Variants in BNIP2 observed in about 807,000 individuals in gnomAD.
BNIP2 encodes the protein BCL2 interacting protein 2.
A neutral mutation model predicts 43.4 loss-of-function variants in BNIP2; 36 were observed. The observed-to-expected ratio is 0.83, with a 90% CI of 0.64 to 1.10. BNIP2 has a LOEUF of 1.10. BNIP2 is among the 50% of genes least tolerant of loss of function. The pLI is 0.00. For missense variants in BNIP2, 417 were observed against 374.1 expected (o/e 1.11, Z -0.95); for synonymous variants, 146 against 121.0 (o/e 1.21, Z -1.35).
intron 9 of BNIP2, among the ~76,000 whole-genome samples, chr15:59,667,392 C>T (rs1172198334): frequency 6.6e-6 from 1 of 152,148 alleles, no homozygotes; most frequent in African/African-American, 2.4e-5. Context: ...CAAACTAGAT[C>T]TAAATTCTAC....
chr15:59,665,862 C>T (rs1335160937), intron 9 of BNIP2, among the ~76,000 whole-genome samples: 12 of 152,152 alleles, frequency 7.9e-5, no homozygotes, highest in Admixed American at 6.5e-4. Flanking sequence ...TTATTCTCAT[C>T]ACCCATTACT....
rs1245648738 is a variant in BNIP2, at chr15:59,662,599, T to C, written c.*1470A>G. Reference sequence around the variant, plus strand: ...CCTTTTGTAACAGAAGGTTTGTAAGTACATGAGAATGGTCACAGCCACATG... The same window carrying C: ...CCTTTTGTAACAGAAGGTTTGTAAGCACATGAGAATGGTCACAGCCACATG... On this transcript the variant is annotated 3_prime_UTR_variant, in exon 10 of 10. Coordinates refer to ENST00000607373, the MANE Select transcript of BNIP2 (RefSeq NM_004330.4). 1 of 152,250 alleles carries C rather than the reference T, an allele frequency of 6.6e-6. No homozygotes were observed. The highest frequency in any genetic ancestry group is 1.5e-5 in the Non-Finnish European group (1 of 68,048). 9.4% of individuals were successfully genotyped at this position (152,250 alleles called of 1,614,324 possible).
chr15:59,662,737 G>C lies in BNIP2; in HGVS notation c.*1332C>G, dbSNP rs1298328737. 6.6e-6 allele frequency: 1 copy of C among 152,178 alleles called. No individual in the cohort carries two copies. The highest frequency in any genetic ancestry group is 1.5e-5 in the Non-Finnish European group (1 of 68,024). The allele number at this position is 152,178 out of a possible 1,614,324, so 9.4% of individuals were successfully genotyped here. A position where few individuals can be genotyped will look rare whatever the true frequency, so the allele number is the denominator to read the frequency against. ...ACCTTACAGGAAGGGTTGAAGAGTA[G>C]CCATGACCTTCAAATTTGGAAGGTA... On this transcript the variant is annotated 3_prime_UTR_variant, in exon 10 of 10. Coordinates refer to ENST00000607373, the MANE Select transcript of BNIP2 (RefSeq NM_004330.4).
At chr15:59,664,331 T>A (rs374891847) in intron 9 of BNIP2, among the ~76,000 whole-genome samples, 10 of 152,314 alleles carry the variant, frequency 6.6e-5, no homozygotes, top group African/African-American at 2.4e-4. Context: ...AATGTGACCG[T>A]TGTTTCTTTA....
intron 9 of BNIP2, among the ~76,000 whole-genome samples, chr15:59,666,418 G>C (rs1295973761): frequency 6.6e-6 from 1 of 152,074 alleles, no homozygotes; most frequent in African/African-American, 2.4e-5. Context: ...TGTAATCCCA[G>C]CACTTTGGGA....
chr15:59,689,283 G>A lies in BNIP2; in HGVS notation c.-206C>T, dbSNP rs3087331. ...CCCGGCCCAATCCCCCGGCCGCAGC[G>A]GTACGGCGTCGGCGGCAGCAGCTGA... On this transcript the variant is annotated 5_prime_UTR_variant, in exon 1 of 10. Transcript: ENST00000607373. 942 of 1,545,776 alleles carry A rather than the reference G, an allele frequency of 6.1e-4. 16 individuals carry two copies. In the East Asian group the frequency reaches 0.019, roughly 31 times the overall value.
At chr15:59,680,167 TTG>T in intron 3 of BNIP2, 72 bp downstream of exon 3, 4 of 1,197,144 alleles carry the variant, frequency 3.3e-6, no homozygotes, top group South Asian at 1.7e-5. Flanking sequence ...TTTTTTTTTT[TTG>T]GACAAAGAAA....
intron 5 of BNIP2, among the ~76,000 whole-genome samples, chr15:59,674,090 C>CAAAAAAAAAAAAAAAA (rs754263928): frequency 5.5e-5 from 5 of 91,438 alleles, no homozygotes; most frequent in Admixed American, 1.2e-4. Context: ...ACTTGGGTCT[C>CAAAAAAAAAAAAAAAA]AAAAAAAAAA....
At chr15:59,671,073 C>CAA (rs56337803) in intron 7 of BNIP2, 110 bp downstream of exon 7, 47,580 of 812,754 alleles carry the variant, frequency 0.059, 27 homozygotes, top group Non-Finnish European at 0.066. Context: ...AACTCCGTCT[C>CAA]AAAAAAAAAA....
chr15:59,681,729 G>C (rs1216441529), intron 2 of BNIP2, among the ~76,000 whole-genome samples: 4 of 152,064 alleles, frequency 2.6e-5, no homozygotes, highest in African/African-American at 9.7e-5. Context: ...TTACAGGCGT[G>C]AGCCACCGCA....
intron 2 of BNIP2, 144 bp from the exon 3 acceptor site, chr15:59,680,452 GCTGT>G (rs1183159617): frequency 5.1e-6 from 3 of 590,988 alleles, no homozygotes; most frequent in African/African-American, 3.8e-5. Flanking sequence ...ACAGGGTCTT[GCTGT>G]CTGTCACCTA....
chr15:59,678,099 CAA>C lies in BNIP2; in HGVS notation c.296-14_296-13del, dbSNP rs749904623. The C allele has an allele frequency of 3.8e-6, 6 of 1,595,104 alleles. No individual in the cohort carries two copies. Among genetic ancestry groups the C allele is most frequent in the Non-Finnish European group, 3.4e-6 (4 of 1,172,430 alleles). On this transcript the variant is annotated splice_polypyrimidine_tract_variant and intron_variant, in intron 4 of 9. Coordinates refer to ENST00000607373, the MANE Select transcript of BNIP2 (RefSeq NM_004330.4). ...TTTTGGAAGATCATCTGTCAAAATA[CAA>C]AGTTTTTGAATCACAAATTGTTACA...
intron 3 of BNIP2, 107 bp downstream of exon 3, chr15:59,680,134 A>T (rs1314491696): frequency 4.4e-6 from 4 of 909,278 alleles, no homozygotes; most frequent in Non-Finnish European, 6.3e-6. Context: ...TTTGACTTCT[A>T]TGATGGAATA....
intron 1 of BNIP2, among the ~76,000 whole-genome samples, chr15:59,688,187 A>G (rs1266118304): frequency 6.6e-6 from 1 of 152,220 alleles, no homozygotes; most frequent in Non-Finnish European, 1.5e-5. Flanking sequence ...AAGAACTAAG[A>G]ATATGTGCAA....
In BNIP2 at chr15:59,663,508, G is replaced by C. The variant is rs565767583; in HGVS notation, c.*561C>G. On this transcript the variant is annotated 3_prime_UTR_variant, in exon 10 of 10. Transcript: ENST00000607373. ...ACTAATACACTTCGATTATATACATGATCTTTGGGTATTCATGACAATCAG... is the reference window on the plus strand; with the variant it reads ...ACTAATACACTTCGATTATATACATCATCTTTGGGTATTCATGACAATCAG... The C allele has an allele frequency of 3.0e-4, 46 of 152,710 alleles. No homozygotes were observed. Among genetic ancestry groups the C allele is most frequent in the African/African-American group, 1.0e-3 (43 of 41,550 alleles). The allele number at this position is 152,710 out of a possible 1,614,324, so 9.5% of individuals were successfully genotyped here. A position where few individuals can be genotyped will look rare whatever the true frequency, so the allele number is the denominator to read the frequency against.
chr15:59,675,590 G>A (rs1188064315), intron 5 of BNIP2, among the ~76,000 whole-genome samples: 1 of 152,134 alleles, frequency 6.6e-6, no homozygotes, highest in East Asian at 1.9e-4. Flanking sequence ...CTGGGTGACA[G>A]AGCAAGACTC....
intron 9 of BNIP2, among the ~76,000 whole-genome samples, chr15:59,666,756 C>T (rs1417696297): frequency 1.3e-5 from 2 of 151,524 alleles, no homozygotes; most frequent in East Asian, 3.9e-4. Context: ...TTTTTTAAGA[C>T]TAAAGAAACT....
chr15:59,686,623 TAGG>T lies in BNIP2; in HGVS notation c.-58+2509_-58+2511del, dbSNP rs569984743. Among the ~76,000 whole-genome samples, 150 of 152,324 alleles carry T rather than the reference TAGG, an allele frequency of 9.8e-4. 2 individuals carry two copies. Among genetic ancestry groups the T allele is most frequent in the African/African-American group, 3.3e-3 (139 of 41,570 alleles). On this transcript the variant is annotated intron_variant, in intron 1 of 9. Coordinates refer to ENST00000607373, the MANE Select transcript of BNIP2 (RefSeq NM_004330.4). Reference sequence around the variant, plus strand: ...CTTTTTAACCAACAGCCTGTATGTTTAGGAGATCACCAAACATGCTTGAAAAAA... The same window carrying T: ...CTTTTTAACCAACAGCCTGTATGTTTAGATCACCAAACATGCTTGAAAAAA...
At chr15:59,679,797 C>A (rs371631088) in intron 3 of BNIP2, 29 bp from the exon 4 acceptor site, 48 of 1,439,406 alleles carry the variant, frequency 3.3e-5, no homozygotes, top group Non-Finnish European at 4.1e-5. Context: ...GAAAAAGATA[C>A]GTAACAAGGA....
Sources: allele counts gnomAD v4.1 joint callset (sites outside exome capture counted in the v4.1 genomes callset), GRCh38; gene constraint gnomAD v4.1.1; transcripts MANE v1.5; gene names NCBI Gene and HGNC (gene_info 2026-07-23, HGNC 2026-07-21).